Variants in TCF12 observed in about 807,000 individuals in gnomAD.
The protein encoded by TCF12 is transcription factor 12, also known as DNA-binding protein HTF4.
TCF12 carries 45 observed loss-of-function variants against 86.0 expected under a neutral mutation model. That is an observed-to-expected ratio of 0.52 (90% CI 0.41 to 0.67). The LOEUF (loss-of-function observed/expected upper bound fraction) is 0.67. Ranked by LOEUF, TCF12 falls within the 30% of genes least tolerant of loss-of-function variation. The pLI is 0.00. For missense variants in TCF12, 881 were observed against 859.9 expected (o/e 1.02, Z -0.31); for synonymous variants, 330 against 299.6 (o/e 1.10, Z -1.05).
At chr15:57,129,731 C>A (rs1456452582) in intron 5 of TCF12, 2 of 152,196 alleles carry the variant, frequency 1.3e-5, no homozygotes, top group Non-Finnish European at 1.5e-5. Context: ...GGGCCTAACA[C>A]TTAGAAGACA....
At chr15:57,131,757 G>T (rs1388143747) in intron 5 of TCF12, among the ~76,000 whole-genome samples, 1 of 152,116 alleles carries the variant, frequency 6.6e-6, no homozygotes, top group Non-Finnish European at 1.5e-5. Flanking sequence ...AAACTTCAAG[G>T]TCCTCTCTAA....
At chr15:57,070,104 G>C (rs1308478276) in intron 4 of TCF12, among the ~76,000 whole-genome samples, 1 of 152,118 alleles carries the variant, frequency 6.6e-6, no homozygotes, top group Non-Finnish European at 1.5e-5. Context: ...TCAGTGGAAA[G>C]GGGAAAACCA....
At chr15:56,940,741 TCTCCTC>T (rs1310231321) in intron 3 of TCF12, among the ~76,000 whole-genome samples, 1 of 89,430 alleles carries the variant, frequency 1.1e-5, no homozygotes, top group African/African-American at 5.3e-5. Context: ...TCCCCCCCCT[TCTCCTC>T]CTTCTCCTTC....
chr15:57,239,763 T>C (rs780137585), intron 12 of TCF12, among the ~76,000 whole-genome samples: 1 of 152,048 alleles, frequency 6.6e-6, no homozygotes, highest in East Asian at 1.9e-4. Flanking sequence ...AGAGTACTTA[T>C]GGTAACCATA....
At chr15:57,130,914 T>C (rs1334952765) in intron 5 of TCF12, among the ~76,000 whole-genome samples, 1 of 152,186 alleles carries the variant, frequency 6.6e-6, no homozygotes, top group Non-Finnish European at 1.5e-5. Flanking sequence ...GTCACAAAAT[T>C]GGTAAGTCAT....
chr15:57,127,767 T>C (rs1397515892), intron 5 of TCF12, among the ~76,000 whole-genome samples: 1 of 152,192 alleles, frequency 6.6e-6, no homozygotes, highest in Non-Finnish European at 1.5e-5. Context: ...CTGTCCCTAC[T>C]TATTCTTCAC....
chr15:57,054,877 C>G (rs1193533994), intron 3 of TCF12, among the ~76,000 whole-genome samples: 2 of 135,872 alleles, frequency 1.5e-5, no homozygotes, highest in Admixed American at 1.7e-4. Flanking sequence ...TGTGCCACTT[C>G]ACATAAAAGG....
intron 3 of TCF12, among the ~76,000 whole-genome samples, chr15:56,947,651 T>C (rs552105506): frequency 5.9e-5 from 9 of 152,210 alleles, no homozygotes; most frequent in Non-Finnish European, 1.2e-4. Context: ...TTTTTAATTG[T>C]TTGCAGTAGA....
At chr15:57,086,219 A>AT (rs2048618204) in intron 4 of TCF12, among the ~76,000 whole-genome samples, 2 of 144,562 alleles carry the variant, frequency 1.4e-5, no homozygotes, top group African/African-American at 5.4e-5. Flanking sequence ...GATGATAATA[A>AT]TAATAATAAT....
chr15:57,250,412 G>A (rs1481276078), intron 13 of TCF12, among the ~76,000 whole-genome samples: 5 of 152,180 alleles, frequency 3.3e-5, no homozygotes, highest in African/African-American at 1.2e-4. Context: ...ATGTCTAGCA[G>A]TGAAATAATA....
intron 16 of TCF12, among the ~76,000 whole-genome samples, chr15:57,261,774 G>A (rs1001955250): frequency 1.3e-4 from 2 of 15,200 alleles, no homozygotes; most frequent in East Asian, 2.0e-3. Context: ...TTTATAATAC[G>A]TAGTGCGTTG....
At chr15:57,129,570 A>G (rs906423252) in intron 5 of TCF12, among the ~76,000 whole-genome samples, 1 of 152,048 alleles carries the variant, frequency 6.6e-6, no homozygotes, top group East Asian at 1.9e-4. Context: ...TATTGAGCAT[A>G]ATTTCATGGG....
Position 57,277,394 on chromosome 15 carries a change from G to A in TCF12, c.1978+4132G>A, listed in dbSNP as rs367803565. ...ACCTGTAATCCCAGCACTTTGGGAG[G>A]CTGAAGCAGGCAGATCATGAGGTCA... On this transcript the variant is annotated intron_variant, in intron 19 of 20. Transcript: ENST00000333725. Among the ~76,000 whole-genome samples the A allele has an allele frequency of 3.3e-5, 5 of 152,080 alleles. No homozygotes were observed. The East Asian group carries it at 5.8e-4, about 18-fold the overall frequency.
intron 3 of TCF12, among the ~76,000 whole-genome samples, chr15:56,971,359 G>A (rs1233290455): frequency 6.6e-6 from 1 of 152,102 alleles, no homozygotes; most frequent in Admixed American, 6.5e-5. Flanking sequence ...CCTAAGGGGT[G>A]GAGGTTGCAG....
intron 6 of TCF12, among the ~76,000 whole-genome samples, chr15:57,173,452 G>C (rs1417035085): frequency 1.3e-5 from 2 of 151,946 alleles, no homozygotes; most frequent in South Asian, 2.1e-4. Context: ...CCAAAATTTG[G>C]CTATTTGAAA....
intron 5 of TCF12, among the ~76,000 whole-genome samples, chr15:57,163,263 CATA>C (rs1319967821): frequency 6.6e-6 from 1 of 152,048 alleles, no homozygotes; most frequent in African/African-American, 2.4e-5. Flanking sequence ...TGATATGATA[CATA>C]ATTATTTTTA....
Position 56,984,472 on chromosome 15 carries a change from C to T in TCF12, c.148+63374C>T, listed in dbSNP as rs764521456. ...CACGTAAGCTGATCATGAACAAATT[C>T]TCTTGTCAGAGATAAAAGCTTGAAA... On this transcript the variant is annotated intron_variant, in intron 3 of 20. Coordinates refer to ENST00000333725, the MANE Select transcript of TCF12 (RefSeq NM_207037.2). Among the ~76,000 whole-genome samples, 57 of 152,056 alleles carry T rather than the reference C, an allele frequency of 3.7e-4. 1 individual carries two copies. The highest frequency in any genetic ancestry group is 1.6e-4 in the Non-Finnish European group (11 of 68,032).
intron 3 of TCF12, among the ~76,000 whole-genome samples, chr15:56,986,701 A>G (rs1195162460): frequency 5.3e-5 from 8 of 152,190 alleles, no homozygotes; most frequent in African/African-American, 7.2e-5. Flanking sequence ...TATACACAGT[A>G]TCTTTTAAAC....
intron 3 of TCF12, among the ~76,000 whole-genome samples, chr15:56,992,178 G>A (rs1333299074): frequency 6.6e-6 from 1 of 152,150 alleles, no homozygotes; most frequent in African/African-American, 2.4e-5. Context: ...GGCTGAGGTG[G>A]GAGGATGATG....
Sources: allele counts gnomAD v4.1 joint callset (sites outside exome capture counted in the v4.1 genomes callset), GRCh38; gene constraint gnomAD v4.1.1; transcripts MANE v1.5; gene names NCBI Gene and HGNC (gene_info 2026-07-23, HGNC 2026-07-21).